The following PSTPIP2 variants were observed in gnomAD, a reference collection of about 807,000 sequenced individuals.
PSTPIP2 encodes the protein proline-serine-threonine phosphatase interacting protein 2.
A neutral mutation model predicts 63.3 loss-of-function variants in PSTPIP2; 33 were observed. That is an observed-to-expected ratio of 0.52 (90% confidence interval 0.40 to 0.70). The LOEUF (loss-of-function observed/expected upper bound fraction) is 0.70. Among genes scored for constraint, PSTPIP2 ranks in the 30% least tolerant of loss-of-function variants. The probability of loss-of-function intolerance (pLI) is 0.00; values close to 1 mark genes in which losing one functional copy is unlikely to be tolerated. For missense variants in PSTPIP2, 312 were observed against 400.7 expected, an observed-to-expected ratio of 0.78 and a Z score of 1.89; for synonymous variants, 125 against 132.7, an observed-to-expected ratio of 0.94 and a Z score of 0.40.
chr18:46,058,068 A>T (rs1157608981), intron 1 of PSTPIP2, among the ~76,000 whole-genome samples: 1 of 151,844 alleles, frequency 6.6e-6, no homozygotes, highest in Admixed American at 6.6e-5. Context: ...TATGTTTTTT[A>T]AAAAATACAA....
At chr18:46,051,197 C>T (rs1199412132) in intron 1 of PSTPIP2, among the ~76,000 whole-genome samples, 4 of 152,106 alleles carry the variant, frequency 2.6e-5, no homozygotes, top group African/African-American at 7.2e-5. Flanking sequence ...AACATAAGGC[C>T]GGGTGCAGTG....
In PSTPIP2 at chr18:46,053,027, T is replaced by C. The variant is rs567627941; in HGVS notation, c.34-12980A>G. 2.2e-4 allele frequency among the ~76,000 whole-genome samples: 34 copies of C among 152,234 alleles called. No individual in the cohort carries two copies. The South Asian group carries it at 6.8e-3, about 31-fold the overall frequency. On this transcript the variant is annotated intron_variant, in intron 1 of 14. Transcript: ENST00000409746. ...CTTCATATGAACAAAAATACATAAA[T>C]ACAAAAAAGTAATCTCCAAGTTTAC...
intron 1 of PSTPIP2, among the ~76,000 whole-genome samples, chr18:46,063,641 G>A (rs1197892594): frequency 2.0e-5 from 3 of 150,124 alleles, no homozygotes; most frequent in Non-Finnish European, 3.0e-5. Flanking sequence ...ACACACACAC[G>A]TGTATATATA....
intron 5 of PSTPIP2, among the ~76,000 whole-genome samples, chr18:46,009,362 T>TA (rs749693553): frequency 0.095 from 4,437 of 46,716 alleles, 507 homozygotes; most frequent in Non-Finnish European, 0.13. Flanking sequence ...TTTTATGGTG[T>TA]AAAAAAAAAA....
At chr18:46,030,577 T>C (rs1050363382) in intron 2 of PSTPIP2, among the ~76,000 whole-genome samples, 7 of 152,232 alleles carry the variant, frequency 4.6e-5, no homozygotes, top group African/African-American at 1.7e-4. Context: ...CTGAACTATT[T>C]ATTACAATGA....
chr18:45,994,037 G>C (rs1385499960), intron 9 of PSTPIP2: 1 of 330,530 alleles, frequency 3.0e-6, no homozygotes, highest in Non-Finnish European at 5.9e-6. Flanking sequence ...CAGAGCCTCA[G>C]ATTCAAAATG....
chr18:46,064,940 T>C (rs565255664), intron 1 of PSTPIP2, among the ~76,000 whole-genome samples: 7 of 145,522 alleles, frequency 4.8e-5, no homozygotes, highest in African/African-American at 1.8e-4. Context: ...AGGTCAGGGG[T>C]TCAAGACCAG....
intron 9 of PSTPIP2, 131 bp downstream of exon 9, chr18:45,997,617 AC>A (rs2051611442): frequency 3.0e-4 from 2 of 6,594 alleles, no homozygotes; most frequent in Non-Finnish European, 5.6e-4. Context: ...TCCTCCCCCA[AC>A]CCCCGGCCCC....
Position 46,005,346 on chromosome 18 carries a change from A to T in PSTPIP2, c.417+123T>A, listed in dbSNP as rs2051713760. ...AGCATTTAAGGTTGTTTTCCCTAAA[A>T]CACTGCACTAATAAATAATAACATT... On this transcript the variant is annotated intron_variant, in intron 6 of 14. Transcript: ENST00000409746. The T allele has an allele frequency of 3.4e-5, 28 of 825,048 alleles. 1 individual carries two copies. The South Asian group carries it at 5.3e-4, about 16-fold the overall frequency. The allele number at this position is 825,048 out of a possible 1,614,324, so 51.1% of individuals were successfully genotyped here.
intron 5 of PSTPIP2, among the ~76,000 whole-genome samples, chr18:46,008,887 T>G (rs1247636947): frequency 6.6e-6 from 1 of 152,116 alleles, no homozygotes; most frequent in African/African-American, 2.4e-5. Context: ...GCCAACCCCC[T>G]GGGGTGAGTA....
intron 13 of PSTPIP2, 22 bp from the exon 14 acceptor site, chr18:45,988,781 A>C: frequency 6.5e-7 from 1 of 1,530,208 alleles, no homozygotes. Flanking sequence ...AGAACACAGA[A>C]AACAACAGTA....
chr18:46,023,761 T>C (rs1252822745), intron 3 of PSTPIP2, among the ~76,000 whole-genome samples: 11 of 151,950 alleles, frequency 7.2e-5, no homozygotes, highest in Admixed American at 7.2e-4. Context: ...CGCCCAGAAG[T>C]CTATGTCTCT....
intron 1 of PSTPIP2, chr18:46,041,179 A>G: frequency 2.5e-6 from 1 of 407,274 alleles, no homozygotes; most frequent in South Asian, 1.8e-5. Context: ...TCCACTGGGA[A>G]GCATGAAACA....
At chr18:45,990,565 G>A (rs1270292621) in intron 13 of PSTPIP2, among the ~76,000 whole-genome samples, 157 bp downstream of exon 13, 2 of 152,044 alleles carry the variant, frequency 1.3e-5, no homozygotes, top group African/African-American at 4.8e-5. Context: ...GAGTAGCTGG[G>A]ATTACAGGCA....
chr18:45,983,709 A>AGC lies in PSTPIP2; in HGVS notation c.*1749_*1750insGC, dbSNP rs1471082967. On this transcript the variant is annotated 3_prime_UTR_variant, in exon 15 of 15. Transcript: ENST00000409746. ...AATATACTTAAAATAGAATGTTCTG[A>AGC]GTGTAAAGGAACATTTCCTGAGCCC... The AGC allele has an allele frequency of 6.6e-6, 1 of 152,234 alleles. No individual in the cohort carries two copies. The highest frequency in any genetic ancestry group is 2.4e-5 in the African/African-American group (1 of 41,470). The allele number at this position is 152,234 out of a possible 1,614,324, so 9.4% of individuals were successfully genotyped here. A position where few individuals can be genotyped will look rare whatever the true frequency, so the allele number is the denominator to read the frequency against.
intron 1 of PSTPIP2, among the ~76,000 whole-genome samples, chr18:46,060,185 C>T (rs1469937576): frequency 6.6e-6 from 1 of 151,662 alleles, no homozygotes; most frequent in Non-Finnish European, 1.5e-5. Flanking sequence ...AATATCTTTC[C>T]TGGTGCTTGT....
chr18:46,023,064 TGAG>T (rs1253214072), intron 3 of PSTPIP2, among the ~76,000 whole-genome samples: 1 of 152,008 alleles, frequency 6.6e-6, no homozygotes, highest in Non-Finnish European at 1.5e-5. Flanking sequence ...GGCTAAATGA[TGAG>T]AACACATGGA....
intron 1 of PSTPIP2, among the ~76,000 whole-genome samples, chr18:46,046,855 G>T (rs1287476574): frequency 6.6e-6 from 1 of 152,250 alleles, no homozygotes; most frequent in Non-Finnish European, 1.5e-5. Flanking sequence ...GAACAGGGAG[G>T]AGGCCAGTTA....
At chr18:46,036,938 A>T (rs1476421322) in intron 2 of PSTPIP2, among the ~76,000 whole-genome samples, 2 of 152,214 alleles carry the variant, frequency 1.3e-5, no homozygotes, top group Non-Finnish European at 2.9e-5. Flanking sequence ...CATGTTTAGC[A>T]TGTACCATGT....
Sources: allele counts gnomAD v4.1 joint callset (sites outside exome capture counted in the v4.1 genomes callset), GRCh38; gene constraint gnomAD v4.1.1; transcripts MANE v1.5; gene names NCBI Gene and HGNC (gene_info 2026-07-23, HGNC 2026-07-21).